RALGAPA1: variants seen among roughly 807,000 people sequenced by gnomAD.
RALGAPA1 encodes the protein Ral GTPase activating protein catalytic subunit alpha 1, also known as ral GTPase-activating protein subunit alpha-1.
A neutral mutation model predicts 269.6 loss-of-function variants in RALGAPA1; 52 were observed. That is an observed-to-expected ratio of 0.19 (90% CI 0.15 to 0.24). The LOEUF is 0.24. Among genes scored for constraint, RALGAPA1 ranks in the 10% least tolerant of loss-of-function variants. The pLI, the probability that RALGAPA1 is intolerant of heterozygous loss-of-function variation, is 1.00. For missense variants in RALGAPA1, 1,917 were observed against 3,013.9 expected, an observed-to-expected ratio of 0.64 and a Z score of 8.52; for synonymous variants, 817 against 1,008.3, an observed-to-expected ratio of 0.81 and a Z score of 3.60.
chr14:35,794,514 T>C (rs1327791289), intron 1 of RALGAPA1, among the ~76,000 whole-genome samples: 2 of 152,222 alleles, frequency 1.3e-5, no homozygotes, highest in Non-Finnish European at 2.9e-5. Context: ...TGGAGTGCAG[T>C]GGCGCAGTCT....
chr14:35,696,361 A>C (rs1159145120), intron 17 of RALGAPA1, among the ~76,000 whole-genome samples: 2 of 152,186 alleles, frequency 1.3e-5, no homozygotes, highest in East Asian at 3.9e-4. Context: ...GCACCACTGC[A>C]CTCCAGCCTA....
In RALGAPA1 at chr14:35,723,223, G is replaced by A; in HGVS notation, c.1908C>T (p.Tyr636=). ...VAWIKANLNV[Y]ISRELWDDLL... ...AGTCATCCCAAAGTTCTCGGGAGAT[G>A]TACACATTTAGGTTTGCTTTGATCC... is the stretch of plus-strand genomic sequence containing the variant. Residue 636 remains tyrosine, a synonymous_variant, in exon 15 of 42, where the codon TAC becomes TAT. Coordinates refer to ENST00000680220, the MANE Select transcript of RALGAPA1 (RefSeq NM_001346249.2). 1 of 1,612,850 alleles carries A rather than the reference G, an allele frequency of 6.2e-7. No homozygotes were observed. Among genetic ancestry groups the A allele is most frequent in the East Asian group, 2.2e-5 (1 of 44,820 alleles).
At chr14:35,808,601 G>T (rs779825343) in intron 1 of RALGAPA1, 129 bp downstream of exon 1, 63 of 929,026 alleles carry the variant, frequency 6.8e-5, no homozygotes, top group Non-Finnish European at 9.6e-5. Context: ...ACCCTCCCGC[G>T]TCTCCGCAGA....
Position 35,738,653 on chromosome 14 carries a change from G to A in RALGAPA1, c.1450-3C>T, listed in dbSNP as rs1225453530. 5.7e-6 allele frequency: 9 copies of A among 1,591,480 alleles called. No individual in the cohort carries two copies. The highest frequency in any genetic ancestry group is 1.2e-5 in the South Asian group (1 of 86,840). ...TCAGCAGTATTGGTCCCATTTTCCT[G>A]AAGCAAAATATCAAGTTTTTAATAT... On this transcript the variant is annotated splice_polypyrimidine_tract_variant and splice_region_variant and intron_variant, in intron 11 of 41. Coordinates refer to ENST00000680220, the MANE Select transcript of RALGAPA1 (RefSeq NM_001346249.2).
At chr14:35,737,386 A>C (rs2071099984) in intron 12 of RALGAPA1, among the ~76,000 whole-genome samples, 1 of 152,144 alleles carries the variant, frequency 6.6e-6, no homozygotes, top group Admixed American at 6.5e-5. Flanking sequence ...TAATGTACAA[A>C]TCCTACAACT....
At chr14:35,786,162 GA>G (rs930252043) in intron 1 of RALGAPA1, among the ~76,000 whole-genome samples, 1 of 149,430 alleles carries the variant, frequency 6.7e-6, no homozygotes, top group South Asian at 2.1e-4. Flanking sequence ...GTCTCAAAAA[GA>G]AAAAAAAACA....
Position 35,627,657 on chromosome 14 carries a change from G to A in RALGAPA1, c.6290C>T (p.Ala2097Val). Residue 2097 changes from alanine to valine, a missense_variant, in exon 34 of 42, where the codon GCC (alanine) becomes GTC (valine). By Grantham distance (64) the Ala-to-Val change is moderately conservative. Around this residue, in one of 11 missense-constraint regions of RALGAPA1, gnomAD observed 346 missense variants for 566.1 expected, o/e 0.61. Coordinates refer to ENST00000680220, the MANE Select transcript of RALGAPA1 (RefSeq NM_001346249.2). ...GGGLSAGLAS[A>V]NSNVRIIVRD... The stretch of plus-strand genomic sequence containing the variant: ...TACTATGATTCTGACATTTGAATTG[G>A]CTGATGCAAGGCCAGCAGATAAACC... The A allele has an allele frequency of 6.3e-7, 1 of 1,579,876 alleles. No homozygotes were observed. The highest frequency in any genetic ancestry group is 8.6e-7 in the Non-Finnish European group (1 of 1,161,460).
chr14:35,780,873 A>G (rs747515733), intron 1 of RALGAPA1, among the ~76,000 whole-genome samples: 2 of 152,206 alleles, frequency 1.3e-5, no homozygotes, highest in Admixed American at 1.3e-4. Flanking sequence ...AGGAGTCTCA[A>G]TTGAGCCCAG....
intron 12 of RALGAPA1, among the ~76,000 whole-genome samples, chr14:35,730,474 A>G (rs905459363): frequency 6.6e-6 from 1 of 151,466 alleles, no homozygotes; most frequent in Non-Finnish European, 1.5e-5. Flanking sequence ...GCTGGGAGGA[A>G]GGTAGCCCAG....
intron 16 of RALGAPA1, among the ~76,000 whole-genome samples, chr14:35,719,556 G>A (rs1273007222): frequency 1.3e-5 from 2 of 152,216 alleles, no homozygotes; most frequent in Admixed American, 6.5e-5. Flanking sequence ...CTATGTAAAA[G>A]ACTACAAAGA....
intron 39 of RALGAPA1, among the ~76,000 whole-genome samples, chr14:35,565,576 C>T (rs752289482): frequency 6.6e-5 from 10 of 152,020 alleles, no homozygotes; most frequent in Admixed American, 1.3e-4. Context: ...AACTCTTCCC[C>T]GAGTCTCCTA....
chr14:35,685,531 T>G (rs1419092635), intron 19 of RALGAPA1, among the ~76,000 whole-genome samples: 1 of 152,006 alleles, frequency 6.6e-6, no homozygotes, highest in Non-Finnish European at 1.5e-5. Context: ...GGGAAAAAAG[T>G]AAGCCTAAAA....
intron 1 of RALGAPA1, among the ~76,000 whole-genome samples, chr14:35,779,538 TAATAATAATAATGA>T (rs1034370179): frequency 2.7e-5 from 4 of 150,330 alleles, no homozygotes; most frequent in African/African-American, 7.3e-5. Flanking sequence ...TAAATAATAA[TAATAATAATAATGA>T]AATAATAATA....
At chr14:35,804,029 G>A (rs1020233798) in intron 1 of RALGAPA1, among the ~76,000 whole-genome samples, 2 of 152,138 alleles carry the variant, frequency 1.3e-5, no homozygotes, top group East Asian at 1.9e-4. Context: ...TTGGGAGGCC[G>A]AGGTGGGTGG....
chr14:35,703,835 G>A lies in RALGAPA1; in HGVS notation c.2267-3533C>T, dbSNP rs1298778201. Among the ~76,000 whole-genome samples, 6 of 151,360 alleles carry A rather than the reference G, an allele frequency of 4.0e-5. No homozygotes were observed. In the East Asian group the frequency reaches 9.7e-4, roughly 24 times the overall value. ...ATTACGAGCATGACAATTTTTGAAG[G>A]CTTCCTATCTTTTCCCCTCTCAAAA... On this transcript the variant is annotated intron_variant, in intron 16 of 41. Coordinates refer to ENST00000680220, the MANE Select transcript of RALGAPA1 (RefSeq NM_001346249.2).
At chr14:35,674,432 G>C in intron 23 of RALGAPA1, 84 bp downstream of exon 23, 1 of 1,315,058 alleles carries the variant, frequency 7.6e-7, no homozygotes, top group Non-Finnish European at 1.0e-6. Context: ...GTCAAAAAGG[G>C]TGTCACAAAT....
chr14:35,655,236 G>C (rs1463490523), intron 29 of RALGAPA1, among the ~76,000 whole-genome samples: 1 of 151,918 alleles, frequency 6.6e-6, no homozygotes, highest in African/African-American at 2.4e-5. Context: ...TAGCTACTTT[G>C]TATGTTTAGA....
At chr14:35,679,846 A>C (rs2065259740) in intron 21 of RALGAPA1, among the ~76,000 whole-genome samples, 1 of 152,230 alleles carries the variant, frequency 6.6e-6, no homozygotes, top group Non-Finnish European at 1.5e-5. Context: ...ATAATCATAT[A>C]ATCATATGAT....
chr14:35,789,801 G>C (rs558199982), intron 1 of RALGAPA1, among the ~76,000 whole-genome samples: 2 of 152,274 alleles, frequency 1.3e-5, no homozygotes, highest in South Asian at 4.1e-4. Context: ...GGTAGGATTT[G>C]GTTACATAAG....
Sources: allele counts gnomAD v4.1 joint callset (sites outside exome capture counted in the v4.1 genomes callset), GRCh38; gene constraint gnomAD v4.1.1; regional missense constraint gnomAD v4.1.1; transcripts MANE v1.5; gene names NCBI Gene and HGNC (gene_info 2026-07-23, HGNC 2026-07-21).